Variants in ITGBL1 observed in about 807,000 individuals in gnomAD.
The protein encoded by ITGBL1 is integrin beta-like protein 1.
In ITGBL1, 51 loss-of-function variants were observed where a neutral mutation model predicts 68.5. That is an observed-to-expected ratio of 0.74 (90% CI 0.59 to 0.94). The LOEUF (loss-of-function observed/expected upper bound fraction) is 0.94, where lower values mean the gene tolerates loss of function less well. ITGBL1 is among the 40% of genes least tolerant of loss of function. The pLI is 0.00. For synonymous variants in ITGBL1, 209 were observed against 227.3 expected, an observed-to-expected ratio of 0.92 and a Z score of 0.72; for missense variants, 649 against 647.4, an observed-to-expected ratio of 1.00 and a Z score of -0.03.
At chr13:101,665,534 AC>A (rs983566828) in intron 7 of ITGBL1, among the ~76,000 whole-genome samples, 2 of 151,964 alleles carry the variant, frequency 1.3e-5, no homozygotes, top group Non-Finnish European at 2.9e-5. Context: ...TATATTTTCT[AC>A]CTATATAATC....
intron 7 of ITGBL1, among the ~76,000 whole-genome samples, chr13:101,607,833 C>T (rs187798670): frequency 4.4e-4 from 67 of 152,156 alleles, no homozygotes; most frequent in African/African-American, 1.3e-3. Context: ...CTTCTATAAT[C>T]ATCAAAACGA....
chr13:101,581,870 A>G (rs976554935), intron 5 of ITGBL1, among the ~76,000 whole-genome samples: 3 of 152,204 alleles, frequency 2.0e-5, no homozygotes, highest in African/African-American at 7.2e-5. Context: ...AAGTTGTACC[A>G]TTTCGTACTC....
chr13:101,604,656 C>A (rs1034759375), intron 7 of ITGBL1, among the ~76,000 whole-genome samples: 1 of 150,384 alleles, frequency 6.6e-6, no homozygotes, highest in Non-Finnish European at 1.5e-5. Context: ...AGCAAATGAC[C>A]AGTATGAAAA....
At chr13:101,567,882 T>C in intron 3 of ITGBL1, 37 bp downstream of exon 3, 1 of 1,567,510 alleles carries the variant, frequency 6.4e-7, no homozygotes. Context: ...TTAAGTGGAA[T>C]AATCAAATTT....
intron 7 of ITGBL1, among the ~76,000 whole-genome samples, chr13:101,618,097 G>C (rs995098681): frequency 6.6e-6 from 1 of 152,096 alleles, no homozygotes; most frequent in Non-Finnish European, 1.5e-5. Flanking sequence ...TCTTACATAT[G>C]CTGCTTATAG....
intron 7 of ITGBL1, among the ~76,000 whole-genome samples, chr13:101,689,209 C>A (rs2033823700): frequency 1.6e-4 from 1 of 6,342 alleles, no homozygotes; most frequent in Admixed American, 2.8e-3. Context: ...CAAGACTCTG[C>A]CTAAAAAAAA....
At chr13:101,599,447 C>G (rs1237562301) in intron 7 of ITGBL1, among the ~76,000 whole-genome samples, 1 of 151,122 alleles carries the variant, frequency 6.6e-6, no homozygotes, top group Non-Finnish European at 1.5e-5. Flanking sequence ...TTAATTAGAT[C>G]CCATTTGTCA....
intron 7 of ITGBL1, among the ~76,000 whole-genome samples, chr13:101,651,234 C>A (rs1326832162): frequency 6.6e-6 from 1 of 152,162 alleles, no homozygotes; most frequent in African/African-American, 2.4e-5. Context: ...CTGTCTTCCA[C>A]AATGGTTGAA....
intron 2 of ITGBL1, among the ~76,000 whole-genome samples, chr13:101,500,797 G>GT (rs1566703626): frequency 6.6e-6 from 1 of 152,136 alleles, no homozygotes; most frequent in African/African-American, 2.4e-5. Flanking sequence ...GGATACACAT[G>GT]TAAGTCCTTT....
At chr13:101,508,268 T>C (rs1365371376) in intron 2 of ITGBL1, among the ~76,000 whole-genome samples, 3 of 152,202 alleles carry the variant, frequency 2.0e-5, no homozygotes, top group Non-Finnish European at 2.9e-5. Context: ...TTATGTATTT[T>C]ATACACATTT....
intron 7 of ITGBL1, among the ~76,000 whole-genome samples, chr13:101,637,535 G>A (rs768151711): frequency 3.3e-5 from 5 of 151,886 alleles, no homozygotes; most frequent in Non-Finnish European, 5.9e-5. Flanking sequence ...AGTAGAGATG[G>A]GGTTTCATTG....
chr13:101,657,807 A>G (rs148669624), intron 7 of ITGBL1, among the ~76,000 whole-genome samples: 12 of 152,334 alleles, frequency 7.9e-5, no homozygotes, highest in African/African-American at 2.6e-4. Context: ...TAATAAAGCA[A>G]AGAACAAATG....
chr13:101,593,065 A>G (rs2050682765), intron 6 of ITGBL1, among the ~76,000 whole-genome samples: 1 of 152,018 alleles, frequency 6.6e-6, no homozygotes, highest in Non-Finnish European at 1.5e-5. Context: ...TAACAGCAAG[A>G]AAACAACCCA....
intron 2 of ITGBL1, among the ~76,000 whole-genome samples, chr13:101,553,737 C>G (rs2049958529): frequency 6.6e-6 from 1 of 151,864 alleles, no homozygotes; most frequent in Non-Finnish European, 1.5e-5. Flanking sequence ...CTGCCTTCAT[C>G]TTCACAAGGC....
At chr13:101,542,415 G>T (rs1237374899) in intron 2 of ITGBL1, among the ~76,000 whole-genome samples, 1 of 152,206 alleles carries the variant, frequency 6.6e-6, no homozygotes, top group Non-Finnish European at 1.5e-5. Context: ...ACTGTGGTCT[G>T]AGAGACAGTT....
chr13:101,489,915 C>CT, intron 2 of ITGBL1: 1 of 1,368,162 alleles, frequency 7.3e-7, no homozygotes, highest in Non-Finnish European at 1.0e-6. Context: ...CGGTTGCTAG[C>CT]TTTTAGAACA....
At chr13:101,621,295 A>G (rs2031572020) in intron 7 of ITGBL1, among the ~76,000 whole-genome samples, 1 of 152,168 alleles carries the variant, frequency 6.6e-6, no homozygotes, top group African/African-American at 2.4e-5. Flanking sequence ...ATCAGCTTTC[A>G]AACACATTTT....
intron 2 of ITGBL1, among the ~76,000 whole-genome samples, chr13:101,547,607 T>G (rs2049848511): frequency 6.6e-6 from 1 of 151,706 alleles, no homozygotes; most frequent in African/African-American, 2.4e-5. Flanking sequence ...GGTACAAAAA[T>G]ATAATTACAT....
chr13:101,648,631 T>C (rs1218033048), intron 7 of ITGBL1, among the ~76,000 whole-genome samples: 1 of 152,156 alleles, frequency 6.6e-6, no homozygotes, highest in Non-Finnish European at 1.5e-5. Flanking sequence ...TGTTCACCAA[T>C]GACATAAAGT....
Sources: gnomAD v4.1 joint callset for allele counts (sites outside exome capture counted in the v4.1 genomes callset) on GRCh38, gnomAD v4.1.1 for gene constraint, MANE v1.5 for transcripts, NCBI Gene and HGNC (gene_info 2026-07-23, HGNC 2026-07-21) for gene names.